RERE: variants seen among roughly 807,000 people sequenced by gnomAD.
RERE encodes arginine-glutamic acid dipeptide repeats, also known as arginine-glutamic acid dipeptide repeats protein.
A neutral mutation model predicts 146.1 loss-of-function variants in RERE; 40 were observed. That is an observed-to-expected ratio of 0.27 (90% CI 0.21 to 0.36). RERE has a LOEUF of 0.36. Ranked by LOEUF, RERE falls within the 10% of genes least tolerant of loss-of-function variation. The probability of loss-of-function intolerance (pLI) is 1.00; values close to 1 mark genes in which losing one functional copy is unlikely to be tolerated. For synonymous variants in RERE, 1,003 were observed against 866.0 expected, an observed-to-expected ratio of 1.16 and a Z score of -2.78; for missense variants, 1,933 against 2,138.7, an observed-to-expected ratio of 0.90 and a Z score of 1.90.
chr1:8,359,669 C>G, intron 19 of RERE, 95 bp downstream of exon 19: 1 of 1,378,288 alleles, frequency 7.3e-7, no homozygotes, highest in Non-Finnish European at 1.0e-6. Context: ...GAGGCCGAGT[C>G]AGGCAGCCAA....
At chr1:8,362,000 A>G (rs1277151906) in intron 16 of RERE, 124 bp from the exon 17 acceptor site, 2 of 679,306 alleles carry the variant, frequency 2.9e-6, no homozygotes, top group Non-Finnish European at 5.0e-6. Flanking sequence ...CCAGGAGCAA[A>G]AAGCTCTAGA....
rs750084741 is a variant in RERE at position 8,358,677 on chromosome 1, G to T, written c.3858C>A (p.Ala1286=). The change falls in exon 20 of 23, where the codon GCC becomes GCA. Residue 1286 remains alanine (A), a synonymous_variant. Coordinates refer to ENST00000400908, the MANE Select transcript of RERE (RefSeq NM_001042681.2). ...CGTTGTAGAGGCCAGGCATGTGGTAGGCCAGCAGGGGGTCCGTGGGGTTAA... is the reference window on the plus strand; with the variant it reads ...CGTTGTAGAGGCCAGGCATGTGGTATGCCAGCAGGGGGTCCGTGGGGTTAA... ...MPLNPTDPLL[A]YHMPGLYNVD... 1.3e-6 allele frequency: 2 copies of T among 1,584,888 alleles called. No individual in the cohort carries two copies. Among genetic ancestry groups the T allele is most frequent in the African/African-American group, 2.7e-5 (2 of 74,396 alleles).
At chr1:8,510,309 T>A (rs1020669463) in intron 7 of RERE, among the ~76,000 whole-genome samples, 1 of 151,302 alleles carries the variant, frequency 6.6e-6, no homozygotes, top group Non-Finnish European at 1.5e-5. Context: ...AAGGAGATAA[T>A]AGGCCTAGCA....
intron 4 of RERE, among the ~76,000 whole-genome samples, chr1:8,575,147 G>A (rs535510208): frequency 2.6e-5 from 4 of 152,080 alleles, no homozygotes; most frequent in Admixed American, 1.3e-4. Context: ...TGAAAGACAC[G>A]CGAAACTCAG....
At chr1:8,611,685 A>C (rs1364008862) in intron 4 of RERE, among the ~76,000 whole-genome samples, 1 of 152,212 alleles carries the variant, frequency 6.6e-6, no homozygotes, top group African/African-American at 2.4e-5. Flanking sequence ...TCTTCTAGTG[A>C]GGAAGAGGAT....
chr1:8,418,636 A>G (rs150396988), intron 12 of RERE, among the ~76,000 whole-genome samples: 4 of 152,236 alleles, frequency 2.6e-5, no homozygotes, highest in African/African-American at 4.8e-5. Context: ...CAAATAACTG[A>G]TATGTCCTCA....
chr1:8,497,274 G>A lies in RERE; in HGVS notation c.1004+131C>T, dbSNP rs182203622. 4 of 900,058 alleles carry A rather than the reference G, an allele frequency of 4.4e-6. No homozygotes were observed. The East Asian group carries it at 7.9e-5, about 18-fold the overall frequency. The allele number at this position is 900,058 out of a possible 1,614,324, so 55.8% of individuals were successfully genotyped here. ...AGAGCCAGGGTCCCGATTACAGAGG[G>A]TGTAACCAAACTTAAAGTCAGAGAA... On this transcript the variant is annotated intron_variant, in intron 9 of 22. Coordinates refer to ENST00000400908, the MANE Select transcript of RERE (RefSeq NM_001042681.2).
At chr1:8,387,059 A>G (rs545179583) in intron 12 of RERE, among the ~76,000 whole-genome samples, 1 of 152,344 alleles carries the variant, frequency 6.6e-6, no homozygotes, top group South Asian at 2.1e-4. Context: ...AACAAGAAAA[A>G]GGTAGGGGAC....
chr1:8,567,612 TGCTA>T (rs1646167987), intron 4 of RERE, among the ~76,000 whole-genome samples: 1 of 152,230 alleles, frequency 6.6e-6, no homozygotes, highest in Non-Finnish European at 1.5e-5. Flanking sequence ...ATCTCTGAAA[TGCTA>T]GCTAAGGAGT....
intron 1 of RERE, among the ~76,000 whole-genome samples, chr1:8,778,226 A>G (rs545734554): frequency 4.9e-4 from 75 of 152,360 alleles, no homozygotes; most frequent in Admixed American, 3.1e-3. Flanking sequence ...CTGTTGTCTT[A>G]AAGTCTTTCT....
chr1:8,378,791 A>G (rs920761610), intron 12 of RERE, among the ~76,000 whole-genome samples: 1 of 152,206 alleles, frequency 6.6e-6, no homozygotes, highest in Non-Finnish European at 1.5e-5. Context: ...ACAGGGCTTC[A>G]TGGTGAGCCT....
At position 8,516,227 on chromosome 1, in the gene RERE, G is replaced by GAAAAAAAA. The variant is rs58064164; in HGVS notation, c.831-7560_831-7553dup. Among the ~76,000 whole-genome samples, 46 of 52,298 alleles carry GAAAAAAAA rather than the reference G, an allele frequency of 8.8e-4. 2 individuals are homozygous for GAAAAAAAA. The highest frequency in any genetic ancestry group is 0.013 in the Middle Eastern group (1 of 80). The allele number at this position is 52,298 out of a possible 152,430, so 34.3% of individuals were successfully genotyped here. A position where few individuals can be genotyped will look rare whatever the true frequency, so the allele number is the denominator to read the frequency against. ...GGGACGGAGCAAGACTCTCTCAGAG[G>GAAAAAAAA]AAAAAAAAAAAAAAAAAAAAAATCT... is the stretch of plus-strand genomic sequence containing the variant. On this transcript the variant is annotated intron_variant, in intron 7 of 22. Coordinates refer to ENST00000400908, the MANE Select transcript of RERE (RefSeq NM_001042681.2).
At position 8,479,837 on chromosome 1, in the gene RERE, C is replaced by A. The variant is rs112735723; in HGVS notation, c.1105-13814G>T. 7.7e-3 allele frequency among the ~76,000 whole-genome samples: 1,166 copies of A among 152,232 alleles called. 14 individuals are homozygous for A. The highest frequency in any genetic ancestry group is 0.026 in the African/African-American group (1,087 of 41,540). ...TAGCCACAGGAAACAAATACACTAA[C>A]CTTCAAAAACTGGGGATAAAAAATT... On this transcript the variant is annotated intron_variant, in intron 10 of 22. Transcript: ENST00000400908.
At chr1:8,416,252 A>T (rs747353510) in intron 12 of RERE, among the ~76,000 whole-genome samples, 78 of 152,172 alleles carry the variant, frequency 5.1e-4, no homozygotes, top group Admixed American at 6.5e-4. Context: ...TTTCTAGAAA[A>T]ACATGGGAGT....
intron 1 of RERE, among the ~76,000 whole-genome samples, chr1:8,783,219 C>A (rs1213231196): frequency 6.6e-6 from 1 of 151,956 alleles, no homozygotes; most frequent in East Asian, 1.9e-4. Context: ...CCTATATTCC[C>A]ATCTACTTGG....
At chr1:8,716,149 G>GA (rs112288568) in intron 1 of RERE, among the ~76,000 whole-genome samples, 57 of 142,858 alleles carry the variant, frequency 4.0e-4, no homozygotes, top group African/African-American at 8.5e-4. Flanking sequence ...CATCTCGAGG[G>GA]AAAAAAAAAA....
rs1557662563 is a variant in RERE at position 8,503,093 on chromosome 1, AAT to A, written c.879+5532_879+5533del. On this transcript the variant is annotated intron_variant, in intron 8 of 22. Coordinates refer to ENST00000400908, the MANE Select transcript of RERE (RefSeq NM_001042681.2). ...ACCCAAGAATGATCAATTAAAAATA[AAT>A]AAATAAATAAATAAATAAATAAATA... Among the ~76,000 whole-genome samples, 649 of 143,866 alleles carry A rather than the reference AAT, an allele frequency of 4.5e-3. 3 individuals are homozygous for A. Among genetic ancestry groups the A allele is most frequent in the African/African-American group, 0.016 (610 of 39,190 alleles). 94.4% of individuals were successfully genotyped at this position (143,866 alleles called of 152,430 possible).
intron 4 of RERE, among the ~76,000 whole-genome samples, chr1:8,589,157 A>AG (rs1646462623): frequency 6.6e-6 from 1 of 151,830 alleles, no homozygotes; most frequent in African/African-American, 2.4e-5. Flanking sequence ...ACTACTGACA[A>AG]GGCCAGGCGT....
chr1:8,608,865 C>T (rs1159796806), intron 4 of RERE, among the ~76,000 whole-genome samples: 2 of 152,116 alleles, frequency 1.3e-5, no homozygotes, highest in South Asian at 2.1e-4. Context: ...GCGGGAAGAT[C>T]ACTTGAGGTC....
Sources: allele counts gnomAD v4.1 joint callset (sites outside exome capture counted in the v4.1 genomes callset), GRCh38; gene constraint gnomAD v4.1.1; transcripts MANE v1.5; gene names NCBI Gene and HGNC (gene_info 2026-07-23, HGNC 2026-07-21).